Variants in SORCS3 observed in about 807,000 individuals in gnomAD.
The protein encoded by SORCS3 is VPS10 domain-containing receptor SorCS3.
SORCS3 carries 57 observed loss-of-function variants against 146.3 expected under a neutral mutation model. The ratio of observed to expected loss-of-function variants is 0.39; its 90% confidence interval spans 0.31 to 0.49. SORCS3 has a LOEUF of 0.49. Among genes scored for constraint, SORCS3 ranks in the 20% least tolerant of loss-of-function variants. The pLI is 0.92. For missense variants in SORCS3, 1,341 were observed against 1,575.5 expected (o/e 0.85, Z 2.52); for synonymous variants, 653 against 618.5 (o/e 1.06, Z -0.83).
chr10:105,225,662 A>T (rs1381709274), intron 20 of SORCS3, among the ~76,000 whole-genome samples: 1 of 152,022 alleles, frequency 6.6e-6, no homozygotes, highest in Non-Finnish European at 1.5e-5. Flanking sequence ...TCTATAGATC[A>T]AATTGGTAAG....
At chr10:105,040,459 G>A (rs2055331714) in intron 4 of SORCS3, among the ~76,000 whole-genome samples, 1 of 152,128 alleles carries the variant, frequency 6.6e-6, no homozygotes, top group Admixed American at 6.6e-5. Context: ...TGCTCCTGTT[G>A]TCTCAAGGCC....
At position 105,034,231 on chromosome 10, in the gene SORCS3, C is replaced by T. The variant is rs150570974; in HGVS notation, c.955-8824C>T. ...GACTTCCCTTAGGAAGTGTTATTTCCGATGACACCTGACATATGAGTAGGA... is the reference window on the plus strand; with the variant it reads ...GACTTCCCTTAGGAAGTGTTATTTCTGATGACACCTGACATATGAGTAGGA... On this transcript the variant is annotated intron_variant, in intron 4 of 26. Transcript: ENST00000369701. Among the ~76,000 whole-genome samples, 106 of 152,078 alleles carry T rather than the reference C, an allele frequency of 7.0e-4. 1 individual carries two copies. Among genetic ancestry groups the T allele is most frequent in the Non-Finnish European group, 1.3e-3 (89 of 67,998 alleles).
intron 1 of SORCS3, among the ~76,000 whole-genome samples, chr10:104,678,109 C>A (rs375291610): frequency 6.6e-6 from 1 of 151,818 alleles, no homozygotes; most frequent in Non-Finnish European, 1.5e-5. Flanking sequence ...GTGAGGTTGC[C>A]GAAGTTAAAT....
At chr10:105,185,092 C>T (rs2056466778) in intron 14 of SORCS3, among the ~76,000 whole-genome samples, 1 of 152,068 alleles carries the variant, frequency 6.6e-6, no homozygotes. Context: ...CTTTTTTCAC[C>T]TAACATAATG....
chr10:105,250,631 T>C (rs1253793618), intron 22 of SORCS3, among the ~76,000 whole-genome samples: 1 of 152,092 alleles, frequency 6.6e-6, no homozygotes, highest in Non-Finnish European at 1.5e-5. Flanking sequence ...CTTCACTGCA[T>C]TGGGTGGTTC....
intron 5 of SORCS3, among the ~76,000 whole-genome samples, chr10:105,059,685 A>G (rs1182408465): frequency 6.6e-6 from 1 of 152,148 alleles, no homozygotes; most frequent in Admixed American, 6.5e-5. Flanking sequence ...AATTTCCCCA[A>G]TCCCTTGGCT....
chr10:105,073,526 GT>G (rs1481502184), intron 5 of SORCS3, among the ~76,000 whole-genome samples: 4 of 152,284 alleles, frequency 2.6e-5, no homozygotes, highest in Non-Finnish European at 5.9e-5. Flanking sequence ...TCCTTGGGCT[GT>G]TTTTGGCTGT....
At chr10:104,674,456 C>T (rs2015891345) in intron 1 of SORCS3, among the ~76,000 whole-genome samples, 1 of 152,196 alleles carries the variant, frequency 6.6e-6, no homozygotes, top group Admixed American at 6.5e-5. Context: ...GATGAAAAGC[C>T]TTTGTGTTTT....
At chr10:105,056,071 G>C (rs957868376) in intron 5 of SORCS3, among the ~76,000 whole-genome samples, 1 of 152,176 alleles carries the variant, frequency 6.6e-6, no homozygotes, top group Admixed American at 6.5e-5. Flanking sequence ...CCCAGAAAAG[G>C]GTTCCTGGAG....
chr10:105,049,039 T>C (rs1429238416), intron 5 of SORCS3, among the ~76,000 whole-genome samples: 2 of 152,164 alleles, frequency 1.3e-5, no homozygotes, highest in African/African-American at 2.4e-5. Flanking sequence ...TTGACATTTG[T>C]ATGCATAGGT....
intron 1 of SORCS3, among the ~76,000 whole-genome samples, chr10:104,723,189 G>C (rs543699602): frequency 0.014 from 2,067 of 152,102 alleles, 39 homozygotes; most frequent in African/African-American, 0.041. Context: ...TCTTTGTTCT[G>C]GTTGATTTCA....
chr10:105,175,794 C>T (rs1203216275), intron 13 of SORCS3, among the ~76,000 whole-genome samples: 3 of 152,154 alleles, frequency 2.0e-5, no homozygotes, highest in African/African-American at 7.2e-5. Context: ...AATTTAGAAA[C>T]TCATGAAGAT....
intron 6 of SORCS3, among the ~76,000 whole-genome samples, chr10:105,102,228 CAT>C (rs149653487): frequency 0.079 from 11,985 of 152,280 alleles, 584 homozygotes; most frequent in Middle Eastern, 0.12. Context: ...AACATGCACA[CAT>C]GTGTTCATTA....
chr10:104,839,600 G>A (rs1302855869), intron 1 of SORCS3, among the ~76,000 whole-genome samples: 4 of 152,196 alleles, frequency 2.6e-5, no homozygotes, highest in Non-Finnish European at 5.9e-5. Context: ...AGTCTAAGGA[G>A]TATGAATTTC....
At chr10:105,178,705 T>A (rs1408702662) in intron 14 of SORCS3, among the ~76,000 whole-genome samples, 1 of 152,186 alleles carries the variant, frequency 6.6e-6, no homozygotes, top group Non-Finnish European at 1.5e-5. Context: ...TGAGATTTAA[T>A]CTTAGAAGTT....
In SORCS3 at chr10:104,743,404, G is replaced by A. The variant is rs555850500; in HGVS notation, c.628-99388G>A. 1.9e-3 allele frequency among the ~76,000 whole-genome samples: 288 copies of A among 152,266 alleles called. 1 individual carries two copies. The highest frequency in any genetic ancestry group is 2.9e-3 in the Non-Finnish European group (194 of 68,024). ...AACATTTATTAAGCATTCACTGTAC[G>A]CTAATAACTGATGTTGGGAATGCAA... is the stretch of plus-strand genomic sequence containing the variant. On this transcript the variant is annotated intron_variant, in intron 1 of 26. Transcript: ENST00000369701.
intron 5 of SORCS3, among the ~76,000 whole-genome samples, chr10:105,062,723 G>A (rs1365705994): frequency 6.6e-6 from 1 of 152,178 alleles, no homozygotes; most frequent in Admixed American, 6.5e-5. Context: ...AAAACCTAAA[G>A]ACTCAAAACT....
chr10:104,642,009 G>A (rs553454121), intron 1 of SORCS3, 55 bp downstream of exon 1: 2 of 1,456,256 alleles, frequency 1.4e-6, no homozygotes, highest in Admixed American at 4.7e-5. Context: ...AAGGGGAATG[G>A]GGGGGTGGGT....
intron 3 of SORCS3, among the ~76,000 whole-genome samples, chr10:104,946,263 G>A (rs1330664910): frequency 6.6e-6 from 1 of 151,756 alleles, no homozygotes; most frequent in African/African-American, 2.4e-5. Context: ...TGCAAATACA[G>A]GACGGCTGTT....
Sources: gnomAD v4.1 joint callset for allele counts (sites outside exome capture counted in the v4.1 genomes callset) on GRCh38, gnomAD v4.1.1 for gene constraint, MANE v1.5 for transcripts, NCBI Gene and HGNC (gene_info 2026-07-23, HGNC 2026-07-21) for gene names.